Variants in POC1A observed in about 807,000 individuals in gnomAD.
POC1A encodes POC1 centriolar protein A, also known as POC1 centriolar protein homolog A.
A neutral mutation model predicts 47.8 loss-of-function variants in POC1A; 34 were observed. The ratio of observed to expected loss-of-function variants is 0.71; its 90% CI spans 0.54 to 0.95. The LOEUF is 0.95. Ranked by LOEUF, POC1A falls within the 40% of genes least tolerant of loss-of-function variation. POC1A has a pLI of 0.00. For synonymous variants in POC1A, 177 were observed against 207.6 expected (o/e 0.85, Z 1.27); for missense variants, 466 against 528.3 (o/e 0.88, Z 1.16).
In POC1A at chr3:52,079,841, C is replaced by T. The variant is rs543250453; in HGVS notation, c.1126-3856G>A. Among the ~76,000 whole-genome samples, 35 of 152,338 alleles carry T rather than the reference C, an allele frequency of 2.3e-4. No individual in the cohort carries two copies. Among genetic ancestry groups the T allele is most frequent in the African/African-American group, 6.5e-4 (27 of 41,568 alleles). On this transcript the variant is annotated intron_variant, in intron 10 of 10. Coordinates refer to ENST00000296484, the MANE Select transcript of POC1A (RefSeq NM_015426.5). The surrounding 1 kb of genome is among the most constrained non-coding windows in gnomAD (Gnocchi z 4.6). ...GCTGGGGTCCAACTCTTCCACAGTG[C>T]GGCCCCTTCTGTCTGCTGACCTTGG... is the stretch of plus-strand genomic sequence containing the variant.
rs768032391 is a variant in POC1A at position 52,147,068 on chromosome 3, C to A, written c.483G>T (p.Val161=). The stretch of plus-strand genomic sequence containing the variant: ...TAACAGTCTTGTCATCACTGGCAGA[C>A]ACGATGAGCCGCCCGTCGGGGGAGA... ...AKFSPDGRLI[V]SASDDKTVKL... The change falls in exon 5 of 11, where the codon GTG becomes GTT. Residue 161 remains valine (V), a synonymous_variant. Coordinates refer to ENST00000296484, the MANE Select transcript of POC1A (RefSeq NM_015426.5). The A allele has an allele frequency of 2.5e-6, 4 of 1,614,030 alleles. No homozygotes were observed. In the East Asian group the frequency reaches 8.9e-5, roughly 36 times the overall value.
At chr3:52,078,102 C>A (rs560831427) in intron 10 of POC1A, among the ~76,000 whole-genome samples, 9 of 152,232 alleles carry the variant, frequency 5.9e-5, no homozygotes, top group Admixed American at 1.3e-4. Context: ...TTATGAGGCC[C>A]AACACCCCTC....
At position 52,125,131 on chromosome 3, in the gene POC1A, A is replaced by G. The variant is rs377709377; in HGVS notation, c.864T>C (p.Ser288=). 2 of 1,613,614 alleles carry G rather than the reference A, an allele frequency of 1.2e-6. No homozygotes were observed. Among genetic ancestry groups the G allele is most frequent in the Non-Finnish European group, 1.7e-6 (2 of 1,179,620 alleles). ...AFSRTGEYFA[S]GGSDEQVMVW... The stretch of plus-strand genomic sequence containing the variant: ...TACTTACTTGTTCATCAGAGCCTCC[A>G]GAAGCAAAATACTCCCCCGTTCTTG... The change falls in exon 8 of 11, where the codon TCT becomes TCC. Residue 288 remains serine (S), a synonymous_variant. Coordinates refer to ENST00000296484, the MANE Select transcript of POC1A (RefSeq NM_015426.5).
At chr3:52,087,572 C>T (rs373436905) in intron 10 of POC1A, among the ~76,000 whole-genome samples, 6 of 152,238 alleles carry the variant, frequency 3.9e-5, no homozygotes, top group Non-Finnish European at 8.8e-5. Context: ...TAGCTCTCTT[C>T]GGGAAGTACA....
At position 52,122,469 on chromosome 3, in the gene POC1A, A is replaced by G. The variant is rs755987731; in HGVS notation, c.891T>C (p.Val297=). ...ASGGSDEQVM[V]WKSNFDIVDH... is the part of the protein sequence containing the mutation. ...CAACAATATCAAAGTTACTCTTCCA[A>G]ACCATCACCTGCCAAAACCAACAGG... The change falls in exon 9 of 11, where the codon GTT becomes GTC. Residue 297 remains valine, a synonymous_variant. Coordinates refer to ENST00000296484, the MANE Select transcript of POC1A (RefSeq NM_015426.5). 5.6e-6 allele frequency: 9 copies of G among 1,607,020 alleles called. No homozygotes were observed. Among genetic ancestry groups the G allele is most frequent in the Non-Finnish European group, 6.0e-6 (7 of 1,173,636 alleles).
At chr3:52,117,602 T>A (rs1230575606) in intron 9 of POC1A, among the ~76,000 whole-genome samples, 1 of 152,136 alleles carries the variant, frequency 6.6e-6, no homozygotes, top group Non-Finnish European at 1.5e-5. Context: ...AAATGAGATC[T>A]TGAGAGGTGA....
In POC1A at chr3:52,122,411, G is replaced by A; in HGVS notation, c.949C>T (p.Pro317Ser). ...CCCATGGAGCTGGCCAGTGTGGCTG[G>A]GGGCCTCGGCACTTTCGTGACTTCT... Reference protein sequence around the residue: ...HGEVTKVPRPPATLASSMGNL... With the variant: ...HGEVTKVPRPSATLASSMGNL... Residue 317 changes from proline (P) to serine (S), a missense_variant, in exon 9 of 11, where the codon CCA becomes TCA. By Grantham distance (74) the Pro-to-Ser change is moderately conservative. Transcript: ENST00000296484. The A allele has an allele frequency of 6.2e-7, 1 of 1,611,948 alleles. No homozygotes were observed. Among genetic ancestry groups the A allele is most frequent in the Non-Finnish European group, 8.5e-7 (1 of 1,178,008 alleles).
At chr3:52,127,850 C>T (rs989789808) in intron 7 of POC1A, among the ~76,000 whole-genome samples, 4 of 152,094 alleles carry the variant, frequency 2.6e-5, no homozygotes, top group African/African-American at 9.7e-5. Context: ...CACCCTCCAC[C>T]ACACCCGGCT....
chr3:52,151,515 G>A lies in POC1A; in HGVS notation c.19-415C>T, dbSNP rs137912440. On this transcript the variant is annotated intron_variant, in intron 1 of 10. Transcript: ENST00000296484. Reference sequence around the variant, plus strand: ...AATCCCAGTTACTCAGGAGGCTGACGCAGGAGAATGGTGTGAACCCAGGAG... The same window carrying A: ...AATCCCAGTTACTCAGGAGGCTGACACAGGAGAATGGTGTGAACCCAGGAG... Among the ~76,000 whole-genome samples, 812 of 151,832 alleles carry A rather than the reference G, an allele frequency of 5.3e-3. 6 individuals are homozygous for A. Among genetic ancestry groups the A allele is most frequent in the Non-Finnish European group, 9.0e-3 (611 of 67,968 alleles).
chr3:52,128,677 C>T (rs1327928708), intron 7 of POC1A, among the ~76,000 whole-genome samples: 3 of 152,212 alleles, frequency 2.0e-5, no homozygotes, highest in African/African-American at 7.2e-5. Context: ...CAGATTACTT[C>T]GGCCCCTGCT....
chr3:52,142,926 G>T (rs1412165988), intron 6 of POC1A, among the ~76,000 whole-genome samples: 1 of 152,076 alleles, frequency 6.6e-6, no homozygotes, highest in Non-Finnish European at 1.5e-5. Context: ...CGTCAGCAGA[G>T]GATGAGAGGT....
At chr3:52,095,110 C>T (rs1702768529) in intron 10 of POC1A, among the ~76,000 whole-genome samples, 1 of 152,234 alleles carries the variant, frequency 6.6e-6, no homozygotes, top group African/African-American at 2.4e-5. Context: ...GATTCCACCT[C>T]CCCTAATCTC....
chr3:52,083,985 G>A (rs1169378836), intron 10 of POC1A, among the ~76,000 whole-genome samples: 1 of 152,206 alleles, frequency 6.6e-6, no homozygotes, highest in African/African-American at 2.4e-5. Flanking sequence ...CCCTCAGCTC[G>A]AAACAGAAGG....
intron 7 of POC1A, among the ~76,000 whole-genome samples, chr3:52,132,796 G>A (rs1704273426): frequency 6.6e-6 from 1 of 152,156 alleles, no homozygotes; most frequent in South Asian, 2.1e-4. Flanking sequence ...TGTAATCCCA[G>A]CACTTTGGGA....
intron 5 of POC1A, 148 bp downstream of exon 5, chr3:52,146,840 C>G: frequency 1.5e-6 from 1 of 657,986 alleles, no homozygotes; most frequent in Non-Finnish European, 2.7e-6. Flanking sequence ...GTTGCCAGAC[C>G]TCGCAAAAAG....
chr3:52,102,998 G>T (rs1250636921), intron 9 of POC1A, among the ~76,000 whole-genome samples: 3 of 152,210 alleles, frequency 2.0e-5, no homozygotes, highest in African/African-American at 7.2e-5. Context: ...TGTGGTATTG[G>T]TAAAAGGATA....
At chr3:52,109,713 C>T (rs1703315359) in intron 9 of POC1A, among the ~76,000 whole-genome samples, 1 of 152,044 alleles carries the variant, frequency 6.6e-6, no homozygotes, top group African/African-American at 2.4e-5. Flanking sequence ...GAGTACTCAG[C>T]GAATCCTGCA....
chr3:52,109,109 G>A (rs1703292129), intron 9 of POC1A, among the ~76,000 whole-genome samples: 1 of 152,210 alleles, frequency 6.6e-6, no homozygotes. Context: ...CATGGGTCGG[G>A]GAAGGGGGAG....
At chr3:52,144,425 T>TG (rs1698301016) in intron 6 of POC1A, among the ~76,000 whole-genome samples, 1 of 151,548 alleles carries the variant, frequency 6.6e-6, no homozygotes, top group South Asian at 2.1e-4. Flanking sequence ...TGGAGGGGGG[T>TG]GGGGTGGGGG....
Sources: allele counts gnomAD v4.1 joint callset (sites outside exome capture counted in the v4.1 genomes callset), GRCh38; gene constraint gnomAD v4.1.1; non-coding constraint Gnocchi (gnomAD v3.1); transcripts MANE v1.5; gene names NCBI Gene and HGNC (gene_info 2026-07-23, HGNC 2026-07-21).